Variants in SERPINB10 observed in about 807,000 individuals in gnomAD.
SERPINB10 encodes serpin B10.
A neutral mutation model predicts 39.1 loss-of-function variants in SERPINB10; 35 were observed. The observed-to-expected ratio is 0.90, with a 90% confidence interval of 0.68 to 1.19. SERPINB10 has a LOEUF of 1.19. SERPINB10 is among the 50% of genes most tolerant of loss of function. SERPINB10 has a pLI of 0.00. For missense variants in SERPINB10, 546 were observed against 460.5 expected, an observed-to-expected ratio of 1.19 and a Z score of -1.70; for synonymous variants, 190 against 158.1, an observed-to-expected ratio of 1.20 and a Z score of -1.52.
intron 1 of SERPINB10, among the ~76,000 whole-genome samples, chr18:63,913,697 T>A (rs2050081425): frequency 6.6e-6 from 1 of 152,108 alleles, no homozygotes. Context: ...GAGCATGTAA[T>A]CAATCTTGGA....
At chr18:63,933,884 A>G (rs2050242036) in intron 7 of SERPINB10, among the ~76,000 whole-genome samples, 1 of 152,164 alleles carries the variant, frequency 6.6e-6, no homozygotes, top group African/African-American at 2.4e-5. Context: ...AATTTTTCAC[A>G]TGTGTCAGAC....
intron 1 of SERPINB10, among the ~76,000 whole-genome samples, chr18:63,911,638 G>A (rs959721163): frequency 6.6e-6 from 1 of 151,950 alleles, no homozygotes; most frequent in African/African-American, 2.4e-5. Flanking sequence ...TGGCCTATGT[G>A]TCTGTTTTTG....
At chr18:63,930,827 C>T (rs574846957) in intron 6 of SERPINB10, among the ~76,000 whole-genome samples, 37 of 152,288 alleles carry the variant, frequency 2.4e-4, no homozygotes, top group African/African-American at 7.5e-4. Context: ...ACAGGACCTT[C>T]GCCATTCTAG....
rs1321323876 is a variant in SERPINB10 at position 63,915,593 on chromosome 18, T to A, written c.83T>A (p.Ile28Asn). 6.2e-7 allele frequency: 1 copy of A among 1,612,910 alleles called. No individual in the cohort carries two copies. Among genetic ancestry groups the A allele is most frequent in the Non-Finnish European group, 8.5e-7 (1 of 1,179,292 alleles). The change falls in exon 2 of 8, where the codon ATC becomes AAC. Residue 28 changes from isoleucine (I) to asparagine (N), a missense_variant. Coordinates refer to ENST00000238508, the MANE Select transcript of SERPINB10 (RefSeq NM_005024.3). The stretch of plus-strand genomic sequence containing the variant: ...GCTGAATCTGCTCAGGGTAAAAATA[T>A]CTTCTTTTCTTCCTGGAGCATCTCA... ...KLAESAQGKN[I>N]FFSSWSISTS...
chr18:63,916,538 T>C (rs1473491704), intron 2 of SERPINB10, among the ~76,000 whole-genome samples: 2 of 152,040 alleles, frequency 1.3e-5, no homozygotes, highest in Non-Finnish European at 2.9e-5. Context: ...ATCCTTACTC[T>C]TGTAGTTCAC....
intron 5 of SERPINB10, among the ~76,000 whole-genome samples, chr18:63,926,216 T>G (rs555982609): frequency 6.6e-6 from 1 of 152,150 alleles, no homozygotes; most frequent in Admixed American, 6.5e-5. Flanking sequence ...GGCACTCATT[T>G]GCTGGTTGAT....
At chr18:63,916,552 A>C (rs1255363231) in intron 2 of SERPINB10, among the ~76,000 whole-genome samples, 1 of 152,032 alleles carries the variant, frequency 6.6e-6, no homozygotes, top group Non-Finnish European at 1.5e-5. Flanking sequence ...AGTTCACAAG[A>C]TATCAGGTGG....
intron 6 of SERPINB10, among the ~76,000 whole-genome samples, chr18:63,931,037 C>T (rs1037152374): frequency 2.6e-5 from 4 of 152,200 alleles, no homozygotes; most frequent in East Asian, 1.9e-4. Context: ...AGTAGGTTAA[C>T]GAGAAGTGAG....
Position 63,930,043 on chromosome 18 carries a change from A to C in SERPINB10, c.491-2A>C. On this transcript the variant is annotated splice_acceptor_variant, in intron 5 of 7. Coordinates refer to ENST00000238508, the MANE Select transcript of SERPINB10 (RefSeq NM_005024.3). LOFTEE classifies it high-confidence loss of function. ...TTTGCAACCTGCCTTTTGTTCTTAC[A>C]GGTAAAATCCAGAATCTCCTGCCTG... is the stretch of plus-strand genomic sequence containing the variant. The C allele has an allele frequency of 6.2e-7, 1 of 1,612,904 alleles. No homozygotes were observed. The highest frequency in any genetic ancestry group is 1.7e-4 in the Middle Eastern group (1 of 6,054).
At chr18:63,926,442 A>G (rs1175904681) in intron 5 of SERPINB10, among the ~76,000 whole-genome samples, 1 of 151,970 alleles carries the variant, frequency 6.6e-6, no homozygotes, top group Admixed American at 6.6e-5. Context: ...CTGTATTTCT[A>G]AATAAGGTCA....
chr18:63,927,600 G>A (rs1479739973), intron 5 of SERPINB10, among the ~76,000 whole-genome samples: 1 of 150,496 alleles, frequency 6.6e-6, no homozygotes. Context: ...TATTCATGAG[G>A]GCAGAGCCCT....
Position 63,935,035 on chromosome 18 carries a change from A to G in SERPINB10, c.987A>G (p.Arg329=), listed in dbSNP as rs1363670794. 6.2e-7 allele frequency: 1 copy of G among 1,614,248 alleles called. No homozygotes were observed. The highest frequency in any genetic ancestry group is 8.5e-7 in the Non-Finnish European group (1 of 1,180,042). ...ATTTCTCAGGAATGTCTTCAGCAAG[A>G]AACCTATTTTTGTCCAATGTTTTCC... is the stretch of plus-strand genomic sequence containing the variant. ...KADFSGMSSA[R]NLFLSNVFHK... is the part of the protein sequence containing the mutation. Residue 329 remains arginine, a synonymous_variant, in exon 8 of 8, where the codon AGA becomes AGG. Coordinates refer to ENST00000238508, the MANE Select transcript of SERPINB10 (RefSeq NM_005024.3).
chr18:63,917,363 A>C (rs1251501156), intron 2 of SERPINB10, 93 bp from the exon 3 acceptor site: 1 of 664,986 alleles, frequency 1.5e-6, no homozygotes, highest in Non-Finnish European at 2.4e-6. Flanking sequence ...TTCTGCAATT[A>C]TAGGAATGAC....
At chr18:63,931,616 AT>A (rs1230528670) in intron 6 of SERPINB10, among the ~76,000 whole-genome samples, 1 of 152,146 alleles carries the variant, frequency 6.6e-6, no homozygotes, top group Non-Finnish European at 1.5e-5. Flanking sequence ...TTTTTAGAGC[AT>A]TTTTAGGTTT....
rs1004693810 is a variant in SERPINB10, at chr18:63,914,313, T to C, written c.-9-1189T>C. 9.2e-5 allele frequency among the ~76,000 whole-genome samples: 14 copies of C among 152,258 alleles called. 1 individual carries two copies. Among genetic ancestry groups the C allele is most frequent in the East Asian group, 3.9e-4 (2 of 5,170 alleles). Reference sequence around the variant, plus strand: ...GGTGTTGATCCTATTGCGAAGTTATTAGCTGGTTGCTTTGTGGTTTCTATT... The same window carrying C: ...GGTGTTGATCCTATTGCGAAGTTATCAGCTGGTTGCTTTGTGGTTTCTATT... On this transcript the variant is annotated intron_variant, in intron 1 of 7. Transcript: ENST00000238508.
intron 5 of SERPINB10, among the ~76,000 whole-genome samples, chr18:63,924,748 T>A (rs570829303): frequency 2.4e-4 from 37 of 152,090 alleles, no homozygotes; most frequent in Middle Eastern, 3.4e-3. Context: ...TTTGTGTGTG[T>A]ATGCTGTGGT....
chr18:63,933,847 T>C (rs1170206923), intron 7 of SERPINB10, among the ~76,000 whole-genome samples: 6 of 152,228 alleles, frequency 3.9e-5, no homozygotes, highest in Admixed American at 3.3e-4. Flanking sequence ...ATGCAACGGA[T>C]GGCCTGTCTT....
At position 63,935,333 on chromosome 18, in the gene SERPINB10, T is replaced by A; in HGVS notation, c.*91T>A. On this transcript the variant is annotated 3_prime_UTR_variant, in exon 8 of 8. Transcript: ENST00000238508. ...AGCACAATTTTCACAAAAATGAGTT[T>A]GTAGTCTAAACCTTTTTCACATTTG... is the stretch of plus-strand genomic sequence containing the variant. The A allele has an allele frequency of 1.5e-6, 2 of 1,351,848 alleles. No individual in the cohort carries two copies. The highest frequency in any genetic ancestry group is 2.9e-5 in the South Asian group (2 of 68,986). 83.7% of individuals were successfully genotyped at this position (1,351,848 alleles called of 1,614,324 possible).
intron 6 of SERPINB10, among the ~76,000 whole-genome samples, chr18:63,932,246 T>C (rs1401474286): frequency 6.6e-6 from 1 of 152,180 alleles, no homozygotes; most frequent in African/African-American, 2.4e-5. Context: ...GTGGACACTG[T>C]TTTTAACACA....
Sources: allele counts gnomAD v4.1 joint callset (sites outside exome capture counted in the v4.1 genomes callset), GRCh38; gene constraint gnomAD v4.1.1; transcripts MANE v1.5; gene names NCBI Gene and HGNC (gene_info 2026-07-23, HGNC 2026-07-21).